Variants in VANGL1 observed in about 807,000 individuals in gnomAD.
The protein encoded by VANGL1 is vang-like protein 1.
A neutral mutation model predicts 48.4 loss-of-function variants in VANGL1; 18 were observed. That is an observed-to-expected ratio of 0.37 (90% CI 0.26 to 0.55). The LOEUF (loss-of-function observed/expected upper bound fraction) is 0.55, where lower values mean the gene tolerates loss of function less well. Ranked by LOEUF, VANGL1 falls within the 20% of genes least tolerant of loss-of-function variation. The pLI is 0.81. For synonymous variants in VANGL1, 257 were observed against 261.8 expected (o/e 0.98, Z 0.18); for missense variants, 667 against 675.8 (o/e 0.99, Z 0.14).
intron 4 of VANGL1, among the ~76,000 whole-genome samples, chr1:115,680,165 G>T (rs1478446715): frequency 6.6e-6 from 1 of 152,172 alleles, no homozygotes; most frequent in Non-Finnish European, 1.5e-5. Flanking sequence ...TTGACTTGGA[G>T]ATTGCCAGGT....
intron 4 of VANGL1, among the ~76,000 whole-genome samples, chr1:115,672,468 A>C (rs1653014023): frequency 6.6e-6 from 1 of 152,194 alleles, no homozygotes. Flanking sequence ...GGGCCTCAGC[A>C]GCCACACAGA....
At chr1:115,670,518 A>G (rs569007104) in intron 4 of VANGL1, among the ~76,000 whole-genome samples, 7 of 152,338 alleles carry the variant, frequency 4.6e-5, no homozygotes, top group African/African-American at 1.4e-4. Context: ...CAGTAATTCC[A>G]GGATATTTCC....
chr1:115,684,540 G>A (rs1653518696), intron 6 of VANGL1, among the ~76,000 whole-genome samples: 1 of 152,196 alleles, frequency 6.6e-6, no homozygotes, highest in African/African-American at 2.4e-5. Context: ...TTGCTCCAGT[G>A]TTTCTCAAAC....
rs371428273 is a variant in VANGL1, at chr1:115,691,131, C to T, written c.1327C>T (p.Arg443Trp). The T allele has an allele frequency of 3.7e-5, 60 of 1,614,058 alleles. No homozygotes were observed. Among genetic ancestry groups the T allele is most frequent in the South Asian group, 3.1e-4 (28 of 91,094 alleles). ...NGMTPKAFLE[R>W]YLSAGPTLQY... ...CCTCTGCTTCCAGGCCTTCCTAGAA[C>T]GGTACCTCAGTGCGGGCCCCACCCT... The change falls in exon 8 of 8, where the codon CGG becomes TGG. Residue 443 changes from arginine (R) to tryptophan (W), a missense_variant. Coordinates refer to ENST00000355485, the MANE Select transcript of VANGL1 (RefSeq NM_138959.3).
In VANGL1 at chr1:115,657,517, G is replaced by A. The variant is rs1337323219; in HGVS notation, c.72-2124G>A. ...GGATTAAATGAAATATTATAGTGAG[G>A]CATTCAGCAAAGTGTTCTATAAATT... On this transcript the variant is annotated intron_variant, in intron 2 of 7. Coordinates refer to ENST00000355485, the MANE Select transcript of VANGL1 (RefSeq NM_138959.3). Among the ~76,000 whole-genome samples, 10 of 152,154 alleles carry A rather than the reference G, an allele frequency of 6.6e-5. No homozygotes were observed. The East Asian group carries it at 1.9e-3, about 29-fold the overall frequency.
intron 1 of VANGL1, among the ~76,000 whole-genome samples, chr1:115,648,603 T>C (rs562592556): frequency 1.4e-4 from 22 of 152,208 alleles, no homozygotes; most frequent in Admixed American, 7.9e-4. Flanking sequence ...TGGGTTACCA[T>C]GTGCCAGAGA....
Position 115,692,701 on chromosome 1 carries a change from C to T in VANGL1, c.*1322C>T, listed in dbSNP as rs536991615. The stretch of plus-strand genomic sequence containing the variant: ...TCCCCTGGCCCTGGGGGAGCAGACA[C>T]TGACTGGGTTGTGGGCAGAGGAGCC... On this transcript the variant is annotated 3_prime_UTR_variant, in exon 8 of 8. Coordinates refer to ENST00000355485, the MANE Select transcript of VANGL1 (RefSeq NM_138959.3). 4.6e-5 allele frequency: 7 copies of T among 152,614 alleles called. No homozygotes were observed. Among genetic ancestry groups the T allele is most frequent in the Non-Finnish European group, 2.9e-5 (2 of 68,104 alleles). 9.5% of individuals were successfully genotyped at this position (152,614 alleles called of 1,614,324 possible).
intron 4 of VANGL1, among the ~76,000 whole-genome samples, chr1:115,665,625 C>T (rs12084037): frequency 0.02 from 3,028 of 152,258 alleles, 112 homozygotes; most frequent in African/African-American, 0.07. Flanking sequence ...GATGATCTAG[C>T]GTTCAAGGTT....
At chr1:115,663,555 T>C (rs1652648295) in intron 3 of VANGL1, 106 bp from the exon 4 acceptor site, 1 of 1,492,136 alleles carries the variant, frequency 6.7e-7, no homozygotes, top group Non-Finnish European at 9.2e-7. Context: ...TGGAAGCCTT[T>C]GTGAATAGGG....
chr1:115,642,505 G>C (rs998053324), intron 1 of VANGL1: 1 of 152,308 alleles, frequency 6.6e-6, no homozygotes, highest in Non-Finnish European at 1.5e-5. Flanking sequence ...GCACCGGGCG[G>C]CTGCAGCAGC....
At chr1:115,675,653 A>AT (rs1274041289) in intron 4 of VANGL1, among the ~76,000 whole-genome samples, 1 of 151,710 alleles carries the variant, frequency 6.6e-6, no homozygotes, top group African/African-American at 2.4e-5. Flanking sequence ...TCAGCCAGGC[A>AT]TGGTGGCGTG....
At chr1:115,653,356 C>T (rs1652224113) in intron 2 of VANGL1, among the ~76,000 whole-genome samples, 1 of 152,170 alleles carries the variant, frequency 6.6e-6, no homozygotes, top group African/African-American at 2.4e-5. Flanking sequence ...AATTGAATCA[C>T]ACATTTCAGC....
rs1176650378 is a variant in VANGL1, at chr1:115,643,500, A to G, written c.-138+1414A>G. Among the ~76,000 whole-genome samples, 3 of 152,342 alleles carry G rather than the reference A, an allele frequency of 2.0e-5. No homozygotes were observed. The East Asian group carries it at 5.8e-4, about 29-fold the overall frequency. On this transcript the variant is annotated intron_variant, in intron 1 of 7. Coordinates refer to ENST00000355485, the MANE Select transcript of VANGL1 (RefSeq NM_138959.3). ...TTTCTTTTTCCAGTTCAAAGAAATA[A>G]CACGCTTCACCTATCCATGAGCATT...
chr1:115,687,022 T>G (rs571422827), intron 7 of VANGL1, among the ~76,000 whole-genome samples: 4 of 138,386 alleles, frequency 2.9e-5, no homozygotes, highest in African/African-American at 1.1e-4. Context: ...TTATAAGGAC[T>G]TCTGTTTATA....
intron 2 of VANGL1, among the ~76,000 whole-genome samples, chr1:115,658,960 CAAACACACACACAT>C (rs1652444575): frequency 6.6e-6 from 1 of 151,838 alleles, no homozygotes; most frequent in South Asian, 2.1e-4. Context: ...CACACACACA[CAAACACACACACAT>C]CCACCCACAC....
intron 4 of VANGL1, among the ~76,000 whole-genome samples, chr1:115,669,597 A>C (rs1292153002): frequency 6.6e-6 from 1 of 151,042 alleles, no homozygotes; most frequent in Non-Finnish European, 1.5e-5. Flanking sequence ...TATAAGAGGA[A>C]ACCTTATAAA....
intron 5 of VANGL1, among the ~76,000 whole-genome samples, chr1:115,682,764 C>T (rs769604779): frequency 6.6e-6 from 1 of 152,186 alleles, no homozygotes; most frequent in Non-Finnish European, 1.5e-5. Flanking sequence ...CTGCCAGGAT[C>T]ATCTTATATT....
chr1:115,693,151 A>G lies in VANGL1; in HGVS notation c.*1772A>G, dbSNP rs114033235. ...GCGTGGAGCCAAGATGTACTATTCA[A>G]CTATGTGTTTCTGTTTATAAAAAAC... On this transcript the variant is annotated 3_prime_UTR_variant, in exon 8 of 8. Transcript: ENST00000355485. The G allele has an allele frequency of 1.9e-3, 296 of 152,746 alleles. No homozygotes were observed. The highest frequency in any genetic ancestry group is 2.8e-3 in the Non-Finnish European group (188 of 68,016). 9.5% of individuals were successfully genotyped at this position (152,746 alleles called of 1,614,324 possible).
rs956769819 is a variant in VANGL1 at position 115,658,986 on chromosome 1, C to T, written c.72-655C>T. ...AAACACACACACATCCACCCACACA[C>T]CCTCCACCCCTCTTGGTGTCTTTGG... On this transcript the variant is annotated intron_variant, in intron 2 of 7. Coordinates refer to ENST00000355485, the MANE Select transcript of VANGL1 (RefSeq NM_138959.3). 2.6e-5 allele frequency among the ~76,000 whole-genome samples: 4 copies of T among 152,050 alleles called. No individual in the cohort carries two copies. The East Asian group carries it at 7.7e-4, about 29-fold the overall frequency.
Sources: gnomAD v4.1 joint callset for allele counts (sites outside exome capture counted in the v4.1 genomes callset) on GRCh38, gnomAD v4.1.1 for gene constraint, MANE v1.5 for transcripts, NCBI Gene and HGNC (gene_info 2026-07-23, HGNC 2026-07-21) for gene names.